AKT3: variants seen among roughly 807,000 people sequenced by gnomAD.
AKT3 encodes AKT serine/threonine kinase 3, also known as RAC-gamma serine/threonine-protein kinase.
AKT3 carries 15 observed loss-of-function variants against 65.3 expected under a neutral mutation model. The ratio of observed to expected loss-of-function variants is 0.23; its 90% confidence interval spans 0.15 to 0.35. The LOEUF is 0.35. AKT3 is among the 10% of genes least tolerant of loss of function. AKT3 has a pLI of 1.00. For missense variants in AKT3, 243 were observed against 576.5 expected (o/e 0.42, Z 5.92); for synonymous variants, 206 against 183.8 (o/e 1.12, Z -0.98).
At chr1:243,572,492 C>T (rs1214599701) in intron 9 of AKT3, among the ~76,000 whole-genome samples, 1 of 152,082 alleles carries the variant, frequency 6.6e-6, no homozygotes, top group Admixed American at 6.5e-5. Flanking sequence ...ACACGAGGCA[C>T]ATTAATAAAT....
intron 2 of AKT3, among the ~76,000 whole-genome samples, chr1:243,817,362 C>T (rs955289874): frequency 3.3e-5 from 5 of 152,208 alleles, no homozygotes; most frequent in Admixed American, 6.5e-5. Context: ...TACAACAACA[C>T]GACACTGCCA....
downstream of AKT3, among the ~76,000 whole-genome samples, chr1:243,498,666 A>G (rs9428575): frequency 0.058 from 8,834 of 152,320 alleles, 840 homozygotes; most frequent in African/African-American, 0.2. Flanking sequence ...GCTGATGTTC[A>G]TATATTTCTC....
intron 2 of AKT3, among the ~76,000 whole-genome samples, chr1:243,707,737 T>C (rs1350629176): frequency 2.6e-5 from 4 of 152,098 alleles, no homozygotes; most frequent in Admixed American, 2.6e-4. Context: ...CAAAAATTAA[T>C]CATCATCTAA....
At chr1:243,546,967 T>A (rs867340456) in intron 11 of AKT3, 1 of 152,238 alleles carries the variant, frequency 6.6e-6, no homozygotes, top group Non-Finnish European at 1.5e-5. Flanking sequence ...TTGTCAGTTA[T>A]GTGAGTGATT....
intron 2 of AKT3, among the ~76,000 whole-genome samples, chr1:243,746,217 T>C (rs573138733): frequency 3.9e-5 from 6 of 152,186 alleles, no homozygotes; most frequent in Non-Finnish European, 8.8e-5. Flanking sequence ...TTTTCAATAA[T>C]TTAACGTCCA....
intron 6 of AKT3, among the ~76,000 whole-genome samples, chr1:243,628,249 C>A (rs530284888): frequency 6.6e-6 from 1 of 151,998 alleles, no homozygotes; most frequent in African/African-American, 2.4e-5. Context: ...AATGGCTTAA[C>A]GGGAATGTGC....
At chr1:243,644,490 C>T (rs1415529465) in intron 5 of AKT3, among the ~76,000 whole-genome samples, 1 of 151,312 alleles carries the variant, frequency 6.6e-6, no homozygotes, top group Non-Finnish European at 1.5e-5. Context: ...AACTATAAAA[C>T]AGGAATAATA....
chr1:243,519,013 G>T (rs1165798822), intron 12 of AKT3, among the ~76,000 whole-genome samples: 1 of 152,184 alleles, frequency 6.6e-6, no homozygotes, highest in African/African-American at 2.4e-5. Flanking sequence ...AAAGTTATGG[G>T]AAGTATGCCC....
intron 3 of AKT3, among the ~76,000 whole-genome samples, chr1:243,679,754 T>C (rs1445418318): frequency 6.6e-6 from 1 of 152,196 alleles, no homozygotes; most frequent in Non-Finnish European, 1.5e-5. Flanking sequence ...AAGCCAACTT[T>C]GCTGATTCCT....
At chr1:243,807,168 G>T (rs1692780899) in intron 2 of AKT3, among the ~76,000 whole-genome samples, 1 of 152,218 alleles carries the variant, frequency 6.6e-6, no homozygotes, top group South Asian at 2.1e-4. Context: ...TCTCAATGGG[G>T]ATTGTCGGAC....
chr1:243,772,847 C>A (rs1361832298), intron 2 of AKT3, among the ~76,000 whole-genome samples: 1 of 152,006 alleles, frequency 6.6e-6, no homozygotes, highest in Admixed American at 6.6e-5. Context: ...CCATGGAATA[C>A]TATGCAGCCA....
intron 4 of AKT3, among the ~76,000 whole-genome samples, chr1:243,656,258 T>G (rs1681782345): frequency 6.6e-6 from 1 of 152,144 alleles, no homozygotes; most frequent in African/African-American, 2.4e-5. Flanking sequence ...ACAAGTACAT[T>G]AATCTTTTAA....
intron 3 of AKT3, among the ~76,000 whole-genome samples, chr1:243,674,219 T>C (rs906615372): frequency 6.6e-6 from 1 of 152,144 alleles, no homozygotes; most frequent in Non-Finnish European, 1.5e-5. Flanking sequence ...GTAAAATCAT[T>C]TGGTAAATAA....
At chr1:243,586,258 G>T (rs776308841) in intron 8 of AKT3, among the ~76,000 whole-genome samples, 1 of 152,102 alleles carries the variant, frequency 6.6e-6, no homozygotes, top group Non-Finnish European at 1.5e-5. Flanking sequence ...TGTTGACAAG[G>T]CTGCAGAGAA....
intron 12 of AKT3, among the ~76,000 whole-genome samples, chr1:243,542,269 A>G (rs559769918): frequency 6.6e-6 from 1 of 152,362 alleles, no homozygotes; most frequent in African/African-American, 2.4e-5. Flanking sequence ...TTAAAGGATC[A>G]TATCTTTTGC....
chr1:243,837,015 A>C (rs1433485619), intron 2 of AKT3, among the ~76,000 whole-genome samples: 1 of 151,998 alleles, frequency 6.6e-6, no homozygotes, highest in Admixed American at 6.6e-5. Context: ...AGGATTTAAT[A>C]AGGAGATATC....
chr1:243,570,519 C>G (rs1574627574), intron 9 of AKT3, among the ~76,000 whole-genome samples: 1 of 152,264 alleles, frequency 6.6e-6, no homozygotes, highest in East Asian at 1.9e-4. Context: ...CAAGAACATT[C>G]AATAAGGAGC....
At chr1:243,684,773 A>C (rs1231207500) in intron 3 of AKT3, among the ~76,000 whole-genome samples, 1 of 152,218 alleles carries the variant, frequency 6.6e-6, no homozygotes, top group Non-Finnish European at 1.5e-5. Context: ...CACTCCCACC[A>C]ATAGTGTAAA....
chr1:243,553,633 A>G lies in AKT3; in HGVS notation c.949-690T>C, dbSNP rs78604697. 7.9e-5 allele frequency among the ~76,000 whole-genome samples: 12 copies of G among 152,278 alleles called. No homozygotes were observed. In the East Asian group the frequency reaches 2.3e-3, roughly 29 times the overall value. On this transcript the variant is annotated intron_variant, in intron 10 of 13. Transcript: ENST00000673466. ...ATTCCTGTTACAGCAAAAAAAATGGACTTAATATCTGTGTGGTATATGTCC... is the reference window on the plus strand; with the variant it reads ...ATTCCTGTTACAGCAAAAAAAATGGGCTTAATATCTGTGTGGTATATGTCC...
Sources: gnomAD v4.1 joint callset for allele counts (sites outside exome capture counted in the v4.1 genomes callset) on GRCh38, gnomAD v4.1.1 for gene constraint, MANE v1.5 for transcripts, NCBI Gene and HGNC (gene_info 2026-07-23, HGNC 2026-07-21) for gene names.